EMSY: variants seen among roughly 807,000 people sequenced by gnomAD.
The protein encoded by EMSY is EMSY transcriptional repressor, BRCA2 interacting, also known as BRCA2-interacting transcriptional repressor EMSY.
In EMSY, 26 loss-of-function variants were observed where a neutral mutation model predicts 134.6. The observed-to-expected ratio is 0.19, with a 90% CI of 0.14 to 0.27. The LOEUF is 0.27. EMSY is among the 10% of genes least tolerant of loss of function. EMSY has a pLI of 1.00. For synonymous variants in EMSY, 579 were observed against 577.8 expected (o/e 1.00, Z -0.03); for missense variants, 1,305 against 1,611.4 (o/e 0.81, Z 3.26).
intron 8 of EMSY, 122 bp downstream of exon 9, chr11:76,472,962 A>C: frequency 1.1e-6 from 1 of 933,880 alleles, no homozygotes; most frequent in South Asian, 1.7e-5. Flanking sequence ...CAAGATCACC[A>C]CCCCGTGTAC....
intron 9 of EMSY, among the ~76,000 whole-genome samples, chr11:76,508,343 C>T (rs367634099): frequency 6.8e-6 from 1 of 147,240 alleles, no homozygotes; most frequent in Admixed American, 6.8e-5. Flanking sequence ...TGAAAGGAAT[C>T]TTTTTTTTTT....
At chr11:76,516,536 G>C (rs1459470604) in intron 11 of EMSY, 5 of 308,354 alleles carry the variant, frequency 1.6e-5, no homozygotes, top group Non-Finnish European at 2.9e-5. Flanking sequence ...ACCTTTAGTT[G>C]CTTTTAGTCA....
At chr11:76,456,773 C>T (rs1947890306) in intron 4 of EMSY, among the ~76,000 whole-genome samples, 1 of 152,132 alleles carries the variant, frequency 6.6e-6, no homozygotes, top group Non-Finnish European at 1.5e-5. Context: ...TTCATCGGCT[C>T]TTAGAAATTC....
intron 10 of EMSY, among the ~76,000 whole-genome samples, chr11:76,514,720 ACT>A (rs1451952014): frequency 9.2e-5 from 14 of 151,970 alleles, no homozygotes; most frequent in Admixed American, 5.2e-4. Context: ...CGAAACTGAA[ACT>A]CTGTGTTCAT....
chr11:76,544,735 G>A (rs200666359), exon 19 of EMSY: 158 of 1,614,046 alleles, frequency 9.8e-5, no homozygotes, highest in Non-Finnish European at 1.3e-4. Context: ...AGCAGGCTCC[G>A]AACCAACCAA....
At chr11:76,543,453 C>T (rs544150228) in intron 18 of EMSY, among the ~76,000 whole-genome samples, 2 of 152,236 alleles carry the variant, frequency 1.3e-5, no homozygotes, top group South Asian at 2.1e-4. Context: ...TTTTGTTGGG[C>T]GGCAGGTCTC....
At chr11:76,463,580 G>A (rs144099596) in intron 6 of EMSY, among the ~76,000 whole-genome samples, 5,352 of 146,778 alleles carry the variant, frequency 0.036, 113 homozygotes, top group Middle Eastern at 0.052. Context: ...CCGAGATTGC[G>A]CCACTGCAGT....
chr11:76,553,016 A>AT (rs1951871372), downstream of EMSY: 1 of 152,126 alleles, frequency 6.6e-6, no homozygotes, highest in African/African-American at 2.4e-5. Context: ...AATATATCAC[A>AT]TTTTGTTTAC....
intron 20 of EMSY, 71 bp downstream of exon 21, chr11:76,546,368 A>G (rs1432244378): frequency 1.3e-6 from 2 of 1,514,574 alleles, no homozygotes; most frequent in African/African-American, 1.4e-5. Flanking sequence ...TATGTTTTTG[A>G]CTTGTCACAG....
intron 9 of EMSY, among the ~76,000 whole-genome samples, chr11:76,505,378 T>G (rs541427328): frequency 6.7e-5 from 10 of 149,994 alleles, no homozygotes; most frequent in Non-Finnish European, 1.0e-4. Flanking sequence ...TTTTTTTTTT[T>G]TTTGTAGAGA....
At chr11:76,544,072 C>T (rs941723105) in intron 18 of EMSY, among the ~76,000 whole-genome samples, 187 bp from the exon 20 acceptor site, 3 of 152,142 alleles carry the variant, frequency 2.0e-5, no homozygotes, top group Non-Finnish European at 2.9e-5. Context: ...GACCAGTTTT[C>T]GAAGCACTTA....
At chr11:76,487,975 C>T (rs932971498) in intron 8 of EMSY, among the ~76,000 whole-genome samples, 8 of 152,148 alleles carry the variant, frequency 5.3e-5, no homozygotes, top group African/African-American at 1.9e-4. Context: ...ATTATCTTTC[C>T]CCTTCACTTA....
At chr11:76,542,757 T>G (rs950553074) in intron 18 of EMSY, among the ~76,000 whole-genome samples, 3 of 150,178 alleles carry the variant, frequency 2.0e-5, no homozygotes, top group Admixed American at 6.6e-5. Flanking sequence ...TTTTTTGTTT[T>G]TTTTTTTTTT....
intron 11 of EMSY, 119 bp downstream of exon 12, chr11:76,516,431 T>G (rs1396979807): frequency 4.5e-6 from 3 of 673,782 alleles, no homozygotes; most frequent in Non-Finnish European, 6.9e-6. Flanking sequence ...TCTAAAGCTT[T>G]GTTTTAGTCC....
intron 1 of EMSY, among the ~76,000 whole-genome samples, chr11:76,446,160 C>T (rs1381693390): frequency 6.6e-6 from 1 of 151,970 alleles, no homozygotes; most frequent in Non-Finnish European, 1.5e-5. Flanking sequence ...AGGTATTGCG[C>T]GTGCCCCCAG....
chr11:76,478,640 C>T (rs913169215), intron 8 of EMSY, among the ~76,000 whole-genome samples: 12 of 151,656 alleles, frequency 7.9e-5, no homozygotes, highest in Non-Finnish European at 1.6e-4. Flanking sequence ...CGCGCCCGGC[C>T]GTGAATAATA....
intron 14 of EMSY, among the ~76,000 whole-genome samples, chr11:76,533,316 G>T (rs183436170): frequency 6.6e-4 from 101 of 152,184 alleles, no homozygotes; most frequent in Non-Finnish European, 1.2e-3. Flanking sequence ...TTATCTTCAG[G>T]ACTGTGATGT....
At chr11:76,547,087 T>C (rs1951681056) in intron 20 of EMSY, 2 of 454,800 alleles carry the variant, frequency 4.4e-6, no homozygotes, top group Non-Finnish European at 8.8e-6. Flanking sequence ...TTTATCTCCC[T>C]CTCTCCTTGC....
chr11:76,460,322 GA>G (rs1410896293), intron 6 of EMSY: 3 of 414,012 alleles, frequency 7.2e-6, no homozygotes, highest in African/African-American at 5.9e-5. Context: ...ATCTGCCTTT[GA>G]ACTGTGTTAT....
Sources: gnomAD v4.1 joint callset for allele counts (sites outside exome capture counted in the v4.1 genomes callset) on GRCh38, gnomAD v4.1.1 for gene constraint, MANE v1.5 for transcripts, NCBI Gene and HGNC (gene_info 2026-07-23, HGNC 2026-07-21) for gene names.